Variants in MDFIC2 observed in about 807,000 individuals in gnomAD.
MDFIC2 encodes myoD family inhibitor domain-containing protein 2.
At chr3:70,268,289 G>A (rs1387233139) in intron 2 of MDFIC2, among the ~76,000 whole-genome samples, 1 of 151,938 alleles carries the variant, frequency 6.6e-6, no homozygotes, top group Non-Finnish European at 1.5e-5. Flanking sequence ...TGGACAGCAC[G>A]GAGAAACACC....
At chr3:70,224,142 A>T (rs920473543) in intron 2 of MDFIC2, among the ~76,000 whole-genome samples, 1 of 152,178 alleles carries the variant, frequency 6.6e-6, no homozygotes, top group African/African-American at 2.4e-5. Context: ...GAGGGAAAAT[A>T]ATTGAATGTG....
rs550091584 is a variant in MDFIC2 at position 70,228,645 on chromosome 3, T to G, written c.89-21855A>C. 5.3e-3 allele frequency among the ~76,000 whole-genome samples: 810 copies of G among 151,966 alleles called. 11 individuals carry two copies. The highest frequency in any genetic ancestry group is 0.019 in the African/African-American group (770 of 41,494). On this transcript the variant is annotated intron_variant, in intron 2 of 3. Transcript: ENST00000567252. ...AAGTTTTCTTACTTTTTTTTTTTTTTTAGTGTGGGGCTAAATGTTAAAAAT... is the reference window on the plus strand; with the variant it reads ...AAGTTTTCTTACTTTTTTTTTTTTTGTAGTGTGGGGCTAAATGTTAAAAAT...
intron 2 of MDFIC2, among the ~76,000 whole-genome samples, chr3:70,294,806 C>T (rs1702274449): frequency 6.6e-6 from 1 of 152,072 alleles, no homozygotes; most frequent in South Asian, 2.1e-4. Flanking sequence ...AGTCTGGCTT[C>T]TCTTATAAGA....
At chr3:70,284,303 T>A (rs2106685079) in intron 2 of MDFIC2, among the ~76,000 whole-genome samples, 1 of 152,334 alleles carries the variant, frequency 6.6e-6, no homozygotes, top group South Asian at 2.1e-4. Flanking sequence ...TGCTCTACAA[T>A]TTTATAGAGT....
intron 2 of MDFIC2, among the ~76,000 whole-genome samples, chr3:70,235,307 TC>T (rs1452033948): frequency 6.6e-6 from 1 of 152,154 alleles, no homozygotes; most frequent in East Asian, 1.9e-4. Context: ...AGACTATAAA[TC>T]CTTTGTGCAC....
At chr3:70,285,164 G>C (rs1392182213) in intron 2 of MDFIC2, among the ~76,000 whole-genome samples, 1 of 149,730 alleles carries the variant, frequency 6.7e-6, no homozygotes, top group Non-Finnish European at 1.5e-5. Context: ...CCACTAACTT[G>C]TCATCTAGCA....
At chr3:70,253,398 A>G (rs1701787637) in intron 2 of MDFIC2, among the ~76,000 whole-genome samples, 2 of 152,156 alleles carry the variant, frequency 1.3e-5, no homozygotes, top group African/African-American at 4.8e-5. Context: ...AGAGTGGATG[A>G]AGAGTTGTAG....
intron 2 of MDFIC2, among the ~76,000 whole-genome samples, chr3:70,218,504 C>G (rs1268376456): frequency 6.6e-6 from 1 of 152,110 alleles, no homozygotes; most frequent in Non-Finnish European, 1.5e-5. Flanking sequence ...TTTTCTTTTG[C>G]TTCCTTTCGG....
intron 2 of MDFIC2, among the ~76,000 whole-genome samples, chr3:70,224,711 C>T (rs937411788): frequency 6.6e-6 from 1 of 151,588 alleles, no homozygotes; most frequent in Non-Finnish European, 1.5e-5. Flanking sequence ...AGAAAATTCA[C>T]CCTTGGTTTT....
intron 2 of MDFIC2, among the ~76,000 whole-genome samples, chr3:70,207,569 T>C (rs1170225130): frequency 6.6e-6 from 1 of 152,046 alleles, no homozygotes; most frequent in East Asian, 1.9e-4. Context: ...CCTCCGTATC[T>C]GTGGGTTTCA....
chr3:70,208,401 AG>A (rs778925121), intron 2 of MDFIC2, among the ~76,000 whole-genome samples: 74 of 152,010 alleles, frequency 4.9e-4, no homozygotes, highest in Non-Finnish European at 8.8e-4. Flanking sequence ...GTTGTTTCTT[AG>A]TTTAGGGCCA....
Position 70,216,553 on chromosome 3 carries a change from C to T in MDFIC2, c.89-9763G>A, listed in dbSNP as rs546072989. On this transcript the variant is annotated intron_variant, in intron 2 of 3. Transcript: ENST00000567252. Reference sequence around the variant, plus strand: ...AATTTTAACTAAGGCAGCCTGGCTCCAAGTCCATGTTCCTAACTAATAGGC... The same window carrying T: ...AATTTTAACTAAGGCAGCCTGGCTCTAAGTCCATGTTCCTAACTAATAGGC... 6.6e-4 allele frequency among the ~76,000 whole-genome samples: 101 copies of T among 152,142 alleles called. 3 individuals are homozygous for T. The Middle Eastern group carries it at 0.027, about 41-fold the overall frequency.
At chr3:70,258,877 TTTAAA>T (rs1223030084) in intron 2 of MDFIC2, among the ~76,000 whole-genome samples, 16 of 152,320 alleles carry the variant, frequency 1.1e-4, no homozygotes, top group East Asian at 3.9e-4. Context: ...TCTTTAATTT[TTTAAA>T]TTAAATTAAA....
intron 2 of MDFIC2, among the ~76,000 whole-genome samples, chr3:70,281,687 A>G (rs889761138): frequency 2.6e-5 from 4 of 152,144 alleles, no homozygotes; most frequent in South Asian, 2.1e-4. Flanking sequence ...AATCCTCACC[A>G]TCATTGCTTT....
intron 2 of MDFIC2, among the ~76,000 whole-genome samples, chr3:70,289,261 A>G (rs1702202192): frequency 6.6e-6 from 1 of 150,834 alleles, no homozygotes; most frequent in Non-Finnish European, 1.5e-5. Flanking sequence ...CCTGGTGGTG[A>G]CAAAATCTCT....
intron 2 of MDFIC2, among the ~76,000 whole-genome samples, chr3:70,269,118 A>G (rs1701951356): frequency 6.6e-6 from 1 of 152,224 alleles, no homozygotes; most frequent in Non-Finnish European, 1.5e-5. Flanking sequence ...GTGGAATAAT[A>G]ATATTTACAA....
chr3:70,225,719 A>G (rs1036081131), intron 2 of MDFIC2, among the ~76,000 whole-genome samples: 7 of 152,248 alleles, frequency 4.6e-5, no homozygotes, highest in Non-Finnish European at 1.0e-4. Context: ...GAAACAATAA[A>G]GTAGAACGAT....
intron 2 of MDFIC2, among the ~76,000 whole-genome samples, chr3:70,260,826 C>T (rs1381569381): frequency 6.6e-6 from 1 of 151,980 alleles, no homozygotes; most frequent in East Asian, 1.9e-4. Flanking sequence ...GACATCTGCC[C>T]ACCCTTTTAA....
intron 3 of MDFIC2, among the ~76,000 whole-genome samples, chr3:70,204,055 G>C (rs1395308693): frequency 1.3e-5 from 2 of 152,142 alleles, no homozygotes; most frequent in Non-Finnish European, 2.9e-5. Context: ...ACCATGAACT[G>C]TGCTAATGGA....
Sources: gnomAD v4.1 joint callset for allele counts (sites outside exome capture counted in the v4.1 genomes callset) on GRCh38, gnomAD v4.1.1 for gene constraint, MANE v1.5 for transcripts, NCBI Gene and HGNC (gene_info 2026-07-23, HGNC 2026-07-21) for gene names.